The following EGFLAM variants were observed in gnomAD, a reference collection of about 807,000 sequenced individuals.
EGFLAM encodes the protein pikachurin.
A neutral mutation model predicts 113.1 loss-of-function variants in EGFLAM; 79 were observed. The observed-to-expected ratio is 0.70, with a 90% CI of 0.58 to 0.84. The LOEUF is 0.84. Among genes scored for constraint, EGFLAM ranks in the 40% least tolerant of loss-of-function variants. EGFLAM has a pLI of 0.00. For missense variants in EGFLAM, 1,265 were observed against 1,291.6 expected, an observed-to-expected ratio of 0.98 and a Z score of 0.32; for synonymous variants, 504 against 487.6, an observed-to-expected ratio of 1.03 and a Z score of -0.44.
intron 5 of EGFLAM, among the ~76,000 whole-genome samples, chr5:38,362,400 A>G (rs1393566149): frequency 2.0e-5 from 3 of 152,224 alleles, no homozygotes; most frequent in Non-Finnish European, 4.4e-5. Flanking sequence ...AATATTTAAG[A>G]GTGATGTAGT....
intron 1 of EGFLAM, among the ~76,000 whole-genome samples, chr5:38,316,504 T>A (rs1393272801): frequency 6.6e-6 from 1 of 152,218 alleles, no homozygotes; most frequent in Non-Finnish European, 1.5e-5. Context: ...CTAGTAGAGT[T>A]GTTGTGAGGA....
intron 1 of EGFLAM, among the ~76,000 whole-genome samples, chr5:38,326,972 A>G (rs1368695296): frequency 6.6e-6 from 1 of 150,382 alleles, no homozygotes; most frequent in Non-Finnish European, 1.5e-5. Context: ...CTAATTTTGT[A>G]TTTTTAGTAG....
intron 3 of EGFLAM, among the ~76,000 whole-genome samples, chr5:38,349,318 C>T (rs917972523): frequency 2.6e-5 from 4 of 152,118 alleles, no homozygotes; most frequent in Non-Finnish European, 5.9e-5. Context: ...AAAGGGAGGG[C>T]TTGGCCTTTG....
chr5:38,286,942 C>G (rs1476809016), intron 1 of EGFLAM, among the ~76,000 whole-genome samples: 1 of 152,014 alleles, frequency 6.6e-6, no homozygotes, highest in Non-Finnish European at 1.5e-5. Context: ...AGGGCCCTGA[C>G]AAAATAAAGT....
At chr5:38,394,672 G>T (rs1740908472) in intron 6 of EGFLAM, among the ~76,000 whole-genome samples, 1 of 147,994 alleles carries the variant, frequency 6.8e-6, no homozygotes, top group Non-Finnish European at 1.5e-5. Context: ...GCCTCCCAAA[G>T]TGCTGGGATT....
intron 5 of EGFLAM, among the ~76,000 whole-genome samples, chr5:38,367,515 T>G (rs1327262810): frequency 1.3e-5 from 2 of 151,984 alleles, no homozygotes; most frequent in Admixed American, 1.3e-4. Flanking sequence ...CCTTCCAAAG[T>G]GCTGGGATTA....
chr5:38,443,234 C>A (rs990955001), intron 17 of EGFLAM, among the ~76,000 whole-genome samples: 2 of 152,106 alleles, frequency 1.3e-5, no homozygotes, highest in Non-Finnish European at 2.9e-5. Flanking sequence ...CCACTGCACT[C>A]CAGCCTGGGT....
At chr5:38,374,867 T>TC (rs1385280812) in intron 6 of EGFLAM, among the ~76,000 whole-genome samples, 4 of 152,326 alleles carry the variant, frequency 2.6e-5, no homozygotes, top group African/African-American at 9.6e-5. Context: ...TTAAGTCTGA[T>TC]CTCTTTCACT....
intron 6 of EGFLAM, among the ~76,000 whole-genome samples, chr5:38,379,850 AG>A (rs1740464729): frequency 6.6e-6 from 1 of 151,700 alleles, no homozygotes; most frequent in Non-Finnish European, 1.5e-5. Context: ...AAAGAAGAAA[AG>A]CTCTAGAGTT....
chr5:38,266,915 A>G (rs1313686174), intron 1 of EGFLAM, among the ~76,000 whole-genome samples: 2 of 152,174 alleles, frequency 1.3e-5, no homozygotes, highest in East Asian at 3.9e-4. Flanking sequence ...ACTGCTAGGG[A>G]CATGGAAAAA....
rs1008098919 is a variant in EGFLAM at position 38,408,908 on chromosome 5, A to G, written c.1249-96A>G. ...CTTTGTAGATAGGATCGTGGAGGAGAAAATGCTCAAGTTTCACATTTGTGT... is the reference window on the plus strand; with the variant it reads ...CTTTGTAGATAGGATCGTGGAGGAGGAAATGCTCAAGTTTCACATTTGTGT... On this transcript the variant is annotated intron_variant, in intron 9 of 21. Coordinates refer to ENST00000322350, the MANE Select transcript of EGFLAM (RefSeq NM_152403.4). 40 of 1,062,996 alleles carry G rather than the reference A, an allele frequency of 3.8e-5. No homozygotes were observed. The African/African-American group carries it at 6.2e-4, about 16-fold the overall frequency. 65.8% of individuals were successfully genotyped at this position (1,062,996 alleles called of 1,614,324 possible). A position where few individuals can be genotyped will look rare whatever the true frequency, so the allele number is the denominator to read the frequency against.
At chr5:38,372,933 C>T (rs1740262212) in intron 6 of EGFLAM, among the ~76,000 whole-genome samples, 1 of 151,946 alleles carries the variant, frequency 6.6e-6, no homozygotes, top group South Asian at 2.1e-4. Flanking sequence ...TATTTTGCTT[C>T]CAAAACATGA....
chr5:38,311,329 A>G (rs1470362201), intron 1 of EGFLAM, among the ~76,000 whole-genome samples: 1 of 152,108 alleles, frequency 6.6e-6, no homozygotes, highest in East Asian at 1.9e-4. Context: ...GAAATTTTGT[A>G]TCCTTTGACC....
At chr5:38,341,596 T>G (rs1896664) in intron 3 of EGFLAM, among the ~76,000 whole-genome samples, 71,493 of 152,080 alleles carry the variant, frequency 0.47, 18,753 homozygotes, top group Admixed American at 0.58. Flanking sequence ...AATGGAACAG[T>G]TAGACATTTC....
At chr5:38,463,739 G>A (rs1328305399) in intron 21 of EGFLAM, 93 bp from the exon 22 acceptor site, 3 of 1,501,658 alleles carry the variant, frequency 2.0e-6, no homozygotes, top group Admixed American at 1.7e-5. Flanking sequence ...GCCTTGGCCA[G>A]CAGCCATTCA....
chr5:38,455,130 A>C (rs1056408642), intron 19 of EGFLAM, among the ~76,000 whole-genome samples: 7 of 152,034 alleles, frequency 4.6e-5, no homozygotes, highest in Admixed American at 3.9e-4. Context: ...GAAGAGGGGG[A>C]AGAGACTTGA....
intron 6 of EGFLAM, among the ~76,000 whole-genome samples, chr5:38,377,114 A>G (rs2366982): frequency 0.26 from 38,700 of 150,508 alleles, 5,230 homozygotes; most frequent in African/African-American, 0.35. Context: ...TAACTTGTTC[A>G]ACGTTGTGTT....
At chr5:38,338,584 C>T (rs922892930) in intron 2 of EGFLAM, 114 bp from the exon 3 acceptor site, 13 of 941,436 alleles carry the variant, frequency 1.4e-5, no homozygotes, top group South Asian at 5.9e-5. Context: ...AACTAGTGCA[C>T]GTGATGTTAG....
intron 12 of EGFLAM, among the ~76,000 whole-genome samples, chr5:38,424,496 C>T (rs1406513518): frequency 6.6e-6 from 1 of 152,232 alleles, no homozygotes; most frequent in Admixed American, 6.5e-5. Context: ...GTAACTCCTT[C>T]TGTGCCTACC....
Sources: gnomAD v4.1 joint callset for allele counts (sites outside exome capture counted in the v4.1 genomes callset) on GRCh38, gnomAD v4.1.1 for gene constraint, MANE v1.5 for transcripts, NCBI Gene and HGNC (gene_info 2026-07-23, HGNC 2026-07-21) for gene names.